The following ZRANB3 variants were observed in gnomAD, a reference collection of about 807,000 sequenced individuals.
ZRANB3 encodes DNA annealing helicase and endonuclease ZRANB3.
Under a neutral mutation model 133.8 loss-of-function variants are expected in ZRANB3, and 125 were observed. The observed-to-expected ratio is 0.93, with a 90% CI of 0.81 to 1.08. The LOEUF (loss-of-function observed/expected upper bound fraction) is 1.08. Among genes scored for constraint, ZRANB3 ranks in the 50% least tolerant of loss-of-function variants. The probability of loss-of-function intolerance (pLI) is 0.00; values close to 1 mark genes in which losing one functional copy is unlikely to be tolerated. For synonymous variants in ZRANB3, 387 were observed against 432.7 expected, an observed-to-expected ratio of 0.89 and a Z score of 1.31; for missense variants, 1,229 against 1,275.5, an observed-to-expected ratio of 0.96 and a Z score of 0.56.
chr2:135,527,476 T>C (rs1179154866), intron 1 of ZRANB3, among the ~76,000 whole-genome samples: 4 of 151,974 alleles, frequency 2.6e-5, no homozygotes, highest in Non-Finnish European at 4.4e-5. Context: ...GGAGAATCAC[T>C]TGAACCCAGT....
chr2:135,230,748 AG>A lies in ZRANB3; in HGVS notation c.1718del (p.Pro573LeufsTer6). 1.9e-6 allele frequency: 3 copies of A among 1,613,712 alleles called. No individual in the cohort carries two copies. The South Asian group carries it at 3.3e-5, about 18-fold the overall frequency. On this transcript the variant is annotated frameshift_variant, in exon 13 of 21. Coordinates refer to ENST00000264159, the MANE Select transcript of ZRANB3 (RefSeq NM_032143.4). LOFTEE classifies it high-confidence loss of function. ...CAGCCAATTTCAATCTTTTCGTTTC[AG>A]GTTCAACATCACTTTCATAATCGAT... Reference protein sequence around the residue: ...DIIDYESDVEPETKRLKLAAS... With the variant: ...DIIDYESDVEXETKRLKLAAS...
intron 2 of ZRANB3, among the ~76,000 whole-genome samples, chr2:135,461,887 TTAAAACATA>T (rs1690782192): frequency 6.6e-6 from 1 of 152,136 alleles, no homozygotes; most frequent in Non-Finnish European, 1.5e-5. Flanking sequence ...ATTAAATAAT[TTAAAACATA>T]TAAATCATTT....
chr2:135,369,164 G>A (rs1464876509), intron 3 of ZRANB3, among the ~76,000 whole-genome samples: 1 of 151,506 alleles, frequency 6.6e-6, no homozygotes, highest in Non-Finnish European at 1.5e-5. Flanking sequence ...AGAGTACAAT[G>A]TTTAAAAAAA....
At chr2:135,290,023 T>A (rs1681606541) in intron 8 of ZRANB3, among the ~76,000 whole-genome samples, 1 of 152,202 alleles carries the variant, frequency 6.6e-6, no homozygotes, top group Non-Finnish European at 1.5e-5. Flanking sequence ...TATTCTGTAG[T>A]TGTTGGGTAG....
intron 12 of ZRANB3, 59 bp from the exon 13 acceptor site, chr2:135,230,986 A>C: frequency 6.9e-7 from 1 of 1,444,002 alleles, no homozygotes; most frequent in Non-Finnish European, 9.2e-7. Flanking sequence ...TTCTTCTTAC[A>C]TAAAAGAGCT....
intron 8 of ZRANB3, among the ~76,000 whole-genome samples, chr2:135,284,663 G>A (rs1336658812): frequency 6.6e-6 from 1 of 151,938 alleles, no homozygotes; most frequent in Non-Finnish European, 1.5e-5. Flanking sequence ...AGTAGAAACG[G>A]GGTTTCATCA....
chr2:135,252,906 T>C (rs563011038), intron 12 of ZRANB3, among the ~76,000 whole-genome samples: 1 of 152,346 alleles, frequency 6.6e-6, no homozygotes, highest in Admixed American at 6.5e-5. Context: ...TTAGATAGGA[T>C]TCCACTCAGG....
intron 2 of ZRANB3, among the ~76,000 whole-genome samples, chr2:135,484,691 T>C (rs1445460329): frequency 1.3e-5 from 2 of 150,722 alleles, no homozygotes; most frequent in African/African-American, 4.8e-5. Context: ...CCTGTCTTGG[T>C]TTTTAAATAT....
At chr2:135,373,661 GC>G (rs1369673279) in intron 3 of ZRANB3, among the ~76,000 whole-genome samples, 1 of 151,882 alleles carries the variant, frequency 6.6e-6, no homozygotes, top group Non-Finnish European at 1.5e-5. Context: ...AATGGTGCAT[GC>G]CTGTAATCCC....
intron 8 of ZRANB3, among the ~76,000 whole-genome samples, chr2:135,282,556 T>C (rs1681146230): frequency 6.6e-6 from 1 of 152,196 alleles, no homozygotes; most frequent in Non-Finnish European, 1.5e-5. Flanking sequence ...CAGTGAACTA[T>C]CAAAAGTATT....
chr2:135,388,080 G>A (rs1424132860), intron 3 of ZRANB3, among the ~76,000 whole-genome samples: 2 of 152,322 alleles, frequency 1.3e-5, no homozygotes, highest in African/African-American at 4.8e-5. Context: ...CATGGCTAGG[G>A]AGGCTCCACA....
At position 135,198,998 on chromosome 2, in the gene ZRANB3, C is replaced by T. The variant is rs937417496; in HGVS notation, c.*1344G>A. 3 of 152,196 alleles carry T rather than the reference C, an allele frequency of 2.0e-5. No homozygotes were observed. Among genetic ancestry groups the T allele is most frequent in the Admixed American group, 6.5e-5 (1 of 15,284 alleles). The allele number at this position is 152,196 out of a possible 1,614,324, so 9.4% of individuals were successfully genotyped here. On this transcript the variant is annotated 3_prime_UTR_variant, in exon 21 of 21. Coordinates refer to ENST00000264159, the MANE Select transcript of ZRANB3 (RefSeq NM_032143.4). ...CCCTTTTGGGAATGTAATTCTTCCTCGGTCCTGTATTTTGTATAGTTCTGA... is the reference window on the plus strand; with the variant it reads ...CCCTTTTGGGAATGTAATTCTTCCTTGGTCCTGTATTTTGTATAGTTCTGA...
At chr2:135,410,850 T>A (rs1200660040) in intron 2 of ZRANB3, among the ~76,000 whole-genome samples, 1 of 151,950 alleles carries the variant, frequency 6.6e-6, no homozygotes, top group Non-Finnish European at 1.5e-5. Flanking sequence ...CCAAAAAACA[T>A]GAAAAAATGC....
intron 3 of ZRANB3, among the ~76,000 whole-genome samples, chr2:135,382,280 A>G (rs1362513120): frequency 6.6e-6 from 1 of 152,184 alleles, no homozygotes; most frequent in Non-Finnish European, 1.5e-5. Context: ...AAGCGAGAAG[A>G]GAAGTTTAGA....
At chr2:135,402,048 T>A (rs1027759796) in intron 2 of ZRANB3, among the ~76,000 whole-genome samples, 2 of 151,978 alleles carry the variant, frequency 1.3e-5, no homozygotes, top group South Asian at 4.1e-4. Context: ...TTTGAAAATA[T>A]TTCCTAAAAG....
intron 2 of ZRANB3, among the ~76,000 whole-genome samples, chr2:135,443,115 CAAAAAAA>C (rs544885151): frequency 8.6e-6 from 1 of 116,104 alleles, no homozygotes; most frequent in African/African-American, 3.0e-5. Context: ...GACTCCATCT[CAAAAAAA>C]AAAAGAAAGA....
chr2:135,467,367 T>G (rs1037014186), intron 2 of ZRANB3, among the ~76,000 whole-genome samples: 1 of 152,216 alleles, frequency 6.6e-6, no homozygotes, highest in Non-Finnish European at 1.5e-5. Flanking sequence ...TTCAGGTATA[T>G]CCGGGATACT....
intron 1 of ZRANB3, among the ~76,000 whole-genome samples, chr2:135,505,531 G>A (rs780242738): frequency 4.6e-5 from 7 of 151,796 alleles, no homozygotes; most frequent in Non-Finnish European, 8.8e-5. Context: ...CCAAGATCAT[G>A]CCACTGCGCT....
intron 8 of ZRANB3, among the ~76,000 whole-genome samples, chr2:135,297,131 G>C (rs1201885982): frequency 6.6e-6 from 1 of 152,234 alleles, no homozygotes; most frequent in Non-Finnish European, 1.5e-5. Flanking sequence ...TAAGTCTGCA[G>C]TGGTTACTGC....
Sources: gnomAD v4.1 joint callset for allele counts (sites outside exome capture counted in the v4.1 genomes callset) on GRCh38, gnomAD v4.1.1 for gene constraint, MANE v1.5 for transcripts, NCBI Gene and HGNC (gene_info 2026-07-23, HGNC 2026-07-21) for gene names.